The following EZH1 variants were observed in gnomAD, a reference collection of about 807,000 sequenced individuals.
EZH1 encodes histone-lysine N-methyltransferase EZH1.
EZH1 carries 33 observed loss-of-function variants against 100.5 expected under a neutral mutation model. The ratio of observed to expected loss-of-function variants is 0.33; its 90% confidence interval spans 0.25 to 0.44. The LOEUF is 0.44. Among genes scored for constraint, EZH1 ranks in the 20% least tolerant of loss-of-function variants. EZH1 has a pLI of 1.00. For synonymous variants in EZH1, 272 were observed against 313.8 expected, an observed-to-expected ratio of 0.87 and a Z score of 1.41; for missense variants, 475 against 928.4, an observed-to-expected ratio of 0.51 and a Z score of 6.35.
At chr17:42,704,491 T>C (rs953109922) in intron 18 of EZH1, 111 bp downstream of exon 18, 1 of 773,146 alleles carries the variant, frequency 1.3e-6, no homozygotes, top group African/African-American at 1.8e-5. Flanking sequence ...GAGGCTACAG[T>C]GAGCCAAGAT....
chr17:42,707,404 A>G (rs1025749940), intron 15 of EZH1, among the ~76,000 whole-genome samples: 1 of 152,108 alleles, frequency 6.6e-6, no homozygotes, highest in Admixed American at 6.5e-5. Context: ...TGGGACTACA[A>G]GCATGTACCA....
intron 1 of EZH1, among the ~76,000 whole-genome samples, chr17:42,739,491 G>C (rs2054134397): frequency 6.6e-6 from 1 of 152,094 alleles, no homozygotes; most frequent in Non-Finnish European, 1.5e-5. Flanking sequence ...CAGCACTTTG[G>C]GAGGCCAAGG....
At position 42,718,574 on chromosome 17, in the gene EZH1, G is replaced by T. The variant is rs766058759; in HGVS notation, c.811C>A (p.Pro271Thr). ...CCATCGATGTTGGGTGTGCACTGAG[G>T]GGGAAGTGCATTGGGGTCTGACATC... ...TEMSDPNALP[P>T]QCTPNIDGPN... The change falls in exon 9 of 21, where the codon CCT becomes ACT. Residue 271 changes from proline to threonine, a missense_variant. Transcript: ENST00000428826. This position sits in a 1 kb window ranked among gnomAD's most constrained non-coding sequence, Gnocchi z 4.2. 1.3e-5 allele frequency: 21 copies of T among 1,614,074 alleles called. No homozygotes were observed. The highest frequency in any genetic ancestry group is 2.7e-5 in the African/African-American group (2 of 74,922).
At chr17:42,708,109 C>A in intron 14 of EZH1, 26 bp from the exon 15 acceptor site, 1 of 1,572,632 alleles carries the variant, frequency 6.4e-7, no homozygotes, top group Non-Finnish European at 8.6e-7. Flanking sequence ...GAGGAGGATG[C>A]TGCTGTGACC....
chr17:42,722,843 TAA>T lies in EZH1; in HGVS notation c.437_438del (p.Phe146TyrfsTer2). On this transcript the variant is annotated frameshift_variant, in exon 6 of 21. Transcript: ENST00000428826. LOFTEE classifies it high-confidence loss of function. ...TCATAGTTATTGATCAGCTCCTCAA[TAA>T]AAGTCTCATCTTCTTCTTTCACTTC... The part of the protein sequence containing the change: ...GDEVKEEDET[F>X]IEELINNYDG... 1 of 1,614,052 alleles carries T rather than the reference TAA, an allele frequency of 6.2e-7. No individual in the cohort carries two copies. Among genetic ancestry groups the T allele is most frequent in the Non-Finnish European group, 8.5e-7 (1 of 1,180,002 alleles).
intron 10 of EZH1, chr17:42,714,427 C>G (rs2053549460): frequency 5.8e-6 from 2 of 343,946 alleles, no homozygotes; most frequent in South Asian, 5.6e-5. Flanking sequence ...GCACTGAAAT[C>G]TGCATGTGGC....
Position 42,702,866 on chromosome 17 carries a change from T to A in EZH1, c.2183+11A>T, listed in dbSNP as rs1311072602. 1 of 1,613,356 alleles carries A rather than the reference T, an allele frequency of 6.2e-7. No individual in the cohort carries two copies. The highest frequency in any genetic ancestry group is 1.7e-5 in the Admixed American group (1 of 60,028). ...TGGGCCACATCCCAAGGACCATTAC[T>A]GGCACCTCACCTGTAATCAAAGAAG... On this transcript the variant is annotated intron_variant, in intron 20 of 20. Transcript: ENST00000428826.
intron 1 of EZH1, among the ~76,000 whole-genome samples, chr17:42,732,881 C>G (rs1176508981): frequency 2.0e-5 from 3 of 151,812 alleles, no homozygotes; most frequent in African/African-American, 4.8e-5. Flanking sequence ...CCTAGGAGAT[C>G]AAGGCTAGAG....
chr17:42,729,986 C>T (rs1291847237), intron 2 of EZH1, among the ~76,000 whole-genome samples: 5 of 151,758 alleles, frequency 3.3e-5, no homozygotes, highest in Non-Finnish European at 5.9e-5. Context: ...TGCAGTGAAC[C>T]GAGATCACAT....
At chr17:42,744,433 G>A (rs1335468403) in intron 1 of EZH1, among the ~76,000 whole-genome samples, 3 of 152,156 alleles carry the variant, frequency 2.0e-5, no homozygotes, top group East Asian at 1.9e-4. Context: ...AGGCACCCAG[G>A]ACGCACGTGA....
chr17:42,710,024 C>A, intron 12 of EZH1, 87 bp from the exon 13 acceptor site: 1 of 1,145,704 alleles, frequency 8.7e-7, no homozygotes, highest in Non-Finnish European at 1.3e-6. Context: ...TGGGAGGGTT[C>A]TGAGAAACTC....
chr17:42,709,673 G>C, intron 13 of EZH1, 173 bp downstream of exon 13: 1 of 588,034 alleles, frequency 1.7e-6, no homozygotes, highest in Non-Finnish European at 3.0e-6. Flanking sequence ...CTAAGGCACA[G>C]ACCCTCAGGG....
chr17:42,738,516 C>T (rs931798435), intron 1 of EZH1, among the ~76,000 whole-genome samples: 5 of 143,272 alleles, frequency 3.5e-5, no homozygotes, highest in Non-Finnish European at 7.8e-5. Flanking sequence ...CCACCGTGCC[C>T]AGTCTATTTT....
chr17:42,728,725 G>T, intron 3 of EZH1, 100 bp downstream of exon 3: 1 of 1,254,744 alleles, frequency 8.0e-7, no homozygotes, highest in Non-Finnish European at 1.1e-6. Context: ...CTGGGTGACA[G>T]AGTGAGACTC....
chr17:42,739,008 G>A (rs1357249240), intron 1 of EZH1, among the ~76,000 whole-genome samples: 3 of 151,850 alleles, frequency 2.0e-5, no homozygotes, highest in African/African-American at 7.3e-5. Context: ...CACCTGCCTC[G>A]GCCTCCCAAA....
intron 3 of EZH1, among the ~76,000 whole-genome samples, chr17:42,728,130 T>C (rs921788995): frequency 6.4e-5 from 9 of 140,198 alleles, no homozygotes; most frequent in Non-Finnish European, 1.2e-4. Flanking sequence ...TTTTTTTTTT[T>C]TGAGATGGAG....
At position 42,720,383 on chromosome 17, in the gene EZH1, T is replaced by A. The variant is rs1369771439; in HGVS notation, c.554A>T (p.Gln185Leu). The change falls in exon 7 of 21, where the codon CAG becomes CTG. Residue 185 changes from glutamine (Q) to leucine (L), a missense_variant. By Grantham distance (113) the Gln-to-Leu change is moderately radical. Transcript: ENST00000428826. ...VFLELVDALN[Q>L]YSDEEEEGHN... is the part of the protein sequence containing the mutation. ...CCCTTCCTCCTCCTCATCTGAGTACTGATTCAGGGCATCGACCAACTCCAG... is the reference window on the plus strand; with the variant it reads ...CCCTTCCTCCTCCTCATCTGAGTACAGATTCAGGGCATCGACCAACTCCAG... 2 of 1,614,044 alleles carry A rather than the reference T, an allele frequency of 1.2e-6. No individual in the cohort carries two copies. Among genetic ancestry groups the A allele is most frequent in the African/African-American group, 2.7e-5 (2 of 74,940 alleles).
intron 1 of EZH1, among the ~76,000 whole-genome samples, chr17:42,734,975 A>G (rs894766581): frequency 2.9e-5 from 4 of 140,178 alleles, no homozygotes; most frequent in African/African-American, 1.0e-4. Context: ...CCTGGGTGAC[A>G]GAGTGAGACT....
At chr17:42,712,526 T>C (rs1337408252) in intron 11 of EZH1, 41 bp from the exon 12 acceptor site, 1 of 1,577,692 alleles carries the variant, frequency 6.3e-7, no homozygotes, top group Non-Finnish European at 8.7e-7. Context: ...GAAGGTAGAA[T>C]GCAGTTGTCA....
Sources: allele counts gnomAD v4.1 joint callset (sites outside exome capture counted in the v4.1 genomes callset), GRCh38; gene constraint gnomAD v4.1.1; non-coding constraint Gnocchi (gnomAD v3.1); transcripts MANE v1.5; gene names NCBI Gene and HGNC (gene_info 2026-07-23, HGNC 2026-07-21).